The following TMEM132D variants were observed in gnomAD, a reference collection of about 807,000 sequenced individuals.
The protein encoded by TMEM132D is mature OL transmembrane protein.
TMEM132D carries 21 observed loss-of-function variants against 62.3 expected under a neutral mutation model. That is an observed-to-expected ratio of 0.34 (90% CI 0.24 to 0.49). The LOEUF is 0.49. TMEM132D is among the 20% of genes least tolerant of loss of function. The pLI is 0.99. For missense variants in TMEM132D, 1,346 were observed against 1,402.8 expected (o/e 0.96, Z 0.65); for synonymous variants, 621 against 575.6 (o/e 1.08, Z -1.13).
chr12:129,125,499 A>ATTTTTT lies in TMEM132D; in HGVS notation c.1444-40798_1444-40797insAAAAAA, dbSNP rs1565972138. Among the ~76,000 whole-genome samples, 5 of 127,834 alleles carry ATTTTTT rather than the reference A, an allele frequency of 3.9e-5. 2 individuals carry two copies. The highest frequency in any genetic ancestry group is 9.0e-5 in the African/African-American group (3 of 33,240). 83.9% of individuals were successfully genotyped at this position (127,834 alleles called of 152,430 possible). On this transcript the variant is annotated intron_variant, in intron 5 of 8. Transcript: ENST00000422113. ...GATGTGACGATGTCGAATTACTATG[A>ATTTTTT]GTTTTTTTTTTTTTTTTTTTTTTGA...
chr12:129,876,839 C>T (rs1027512312), intron 1 of TMEM132D, among the ~76,000 whole-genome samples: 5 of 152,294 alleles, frequency 3.3e-5, no homozygotes, highest in South Asian at 2.1e-4. Context: ...CAGGTATTAA[C>T]GCCTGACTCA....
chr12:129,797,222 G>A (rs1216453564), intron 1 of TMEM132D, among the ~76,000 whole-genome samples: 1 of 152,050 alleles, frequency 6.6e-6, no homozygotes, highest in African/African-American at 2.4e-5. Context: ...TTACTTTCAG[G>A]GTCTTTCACT....
At chr12:129,105,287 G>A (rs561446305) in intron 5 of TMEM132D, among the ~76,000 whole-genome samples, 21 of 145,316 alleles carry the variant, frequency 1.4e-4, no homozygotes, top group East Asian at 1.4e-3. Flanking sequence ...GTAAACTATC[G>A]TAAGAACAAA....
chr12:129,729,616 A>G (rs546075226), intron 1 of TMEM132D, among the ~76,000 whole-genome samples: 6 of 152,226 alleles, frequency 3.9e-5, no homozygotes, highest in African/African-American at 1.4e-4. Flanking sequence ...GTCATACTTC[A>G]AAACCCACCT....
At chr12:129,747,930 A>G (rs1354206969) in intron 1 of TMEM132D, among the ~76,000 whole-genome samples, 11 of 152,172 alleles carry the variant, frequency 7.2e-5, no homozygotes, top group Admixed American at 5.9e-4. Context: ...TCTTCTTTCT[A>G]GCACTCATCA....
At chr12:129,871,601 A>G (rs1874244128) in intron 1 of TMEM132D, among the ~76,000 whole-genome samples, 1 of 152,110 alleles carries the variant, frequency 6.6e-6, no homozygotes, top group African/African-American at 2.4e-5. Flanking sequence ...CAACTTAGGA[A>G]GTGTCTCAAT....
chr12:129,822,851 T>G (rs80021940), intron 1 of TMEM132D, among the ~76,000 whole-genome samples: 10,028 of 152,246 alleles, frequency 0.066, 459 homozygotes, highest in South Asian at 0.13. Flanking sequence ...ATTTGGGGAT[T>G]ATTGTAATTC....
chr12:129,276,062 C>G (rs1013939610), intron 4 of TMEM132D, among the ~76,000 whole-genome samples: 12 of 146,036 alleles, frequency 8.2e-5, no homozygotes, highest in African/African-American at 3.0e-4. Flanking sequence ...TGTTTGTTTT[C>G]TCAAGACAGA....
intron 1 of TMEM132D, among the ~76,000 whole-genome samples, chr12:129,814,660 T>G (rs985614576): frequency 2.0e-5 from 3 of 150,678 alleles, no homozygotes; most frequent in African/African-American, 7.3e-5. Context: ...AAGTTCCTGA[T>G]GTAGGGGTCC....
At chr12:129,571,475 G>A (rs1043311106) in intron 2 of TMEM132D, among the ~76,000 whole-genome samples, 3 of 152,288 alleles carry the variant, frequency 2.0e-5, no homozygotes, top group Admixed American at 6.5e-5. Flanking sequence ...CGGAGGCTGA[G>A]GTGGGAGAAT....
intron 6 of TMEM132D, among the ~76,000 whole-genome samples, chr12:129,082,356 G>C (rs949677802): frequency 6.6e-6 from 1 of 152,152 alleles, no homozygotes; most frequent in Non-Finnish European, 1.5e-5. Flanking sequence ...AAAAAGTTAT[G>C]GCAAAAGTGA....
intron 7 of TMEM132D, among the ~76,000 whole-genome samples, chr12:129,079,597 C>T (rs1874388398): frequency 6.6e-6 from 1 of 152,214 alleles, no homozygotes; most frequent in African/African-American, 2.4e-5. Context: ...ATCCTCCATT[C>T]TCCTGCTTTC....
chr12:129,534,525 AC>A (rs1269162099), intron 2 of TMEM132D, among the ~76,000 whole-genome samples: 1 of 152,168 alleles, frequency 6.6e-6, no homozygotes, highest in Non-Finnish European at 1.5e-5. Flanking sequence ...AGTTTCAAGT[AC>A]AGCATCCAGG....
At chr12:129,380,346 T>C (rs1242657700) in intron 3 of TMEM132D, among the ~76,000 whole-genome samples, 5 of 152,248 alleles carry the variant, frequency 3.3e-5, no homozygotes, top group African/African-American at 4.8e-5. Flanking sequence ...ACTTTCATCA[T>C]ATTGATAATT....
At chr12:129,673,811 G>A (rs1411362901) in intron 2 of TMEM132D, among the ~76,000 whole-genome samples, 1 of 152,170 alleles carries the variant, frequency 6.6e-6, no homozygotes, top group Non-Finnish European at 1.5e-5. Flanking sequence ...CCTTAAGAGT[G>A]TGATTCAAAG....
At chr12:129,803,228 G>C (rs1320435594) in intron 1 of TMEM132D, among the ~76,000 whole-genome samples, 1 of 150,034 alleles carries the variant, frequency 6.7e-6, no homozygotes, top group African/African-American at 2.5e-5. Context: ...CAAATCAACA[G>C]AATATACATT....
chr12:129,841,083 C>T (rs192268419), intron 1 of TMEM132D, among the ~76,000 whole-genome samples: 4 of 152,214 alleles, frequency 2.6e-5, no homozygotes, highest in East Asian at 1.9e-4. Flanking sequence ...TTTGGCACTG[C>T]GGATGCATAA....
intron 3 of TMEM132D, among the ~76,000 whole-genome samples, chr12:129,375,430 G>C (rs1430547739): frequency 6.6e-6 from 1 of 152,196 alleles, no homozygotes; most frequent in African/African-American, 2.4e-5. Flanking sequence ...CTGATGCTTG[G>C]AGTCCCACCC....
rs1006708953 is a variant in TMEM132D at position 129,589,637 on chromosome 12, T to C, written c.969-58432A>G. 3.3e-5 allele frequency among the ~76,000 whole-genome samples: 5 copies of C among 152,290 alleles called. 1 individual carries two copies. The Middle Eastern group carries it at 0.017, about 518-fold the overall frequency. ...ACAGTGATGCAGGTAATATACATTC[T>C]CCAGGACAACTAGCTGATCTCCTTT... On this transcript the variant is annotated intron_variant, in intron 2 of 8. Coordinates refer to ENST00000422113, the MANE Select transcript of TMEM132D (RefSeq NM_133448.3).
Sources: gnomAD v4.1 joint callset for allele counts (sites outside exome capture counted in the v4.1 genomes callset) on GRCh38, gnomAD v4.1.1 for gene constraint, MANE v1.5 for transcripts, NCBI Gene and HGNC (gene_info 2026-07-23, HGNC 2026-07-21) for gene names.